SCO1: variants seen among roughly 807,000 people sequenced by gnomAD.
The protein encoded by SCO1 is synthesis of cytochrome C oxidase 1.
In SCO1, 23 loss-of-function variants were observed where a neutral mutation model predicts 34.0. The observed-to-expected ratio is 0.68, with a 90% CI of 0.49 to 0.96. SCO1 has a LOEUF of 0.96. SCO1 is among the 40% of genes least tolerant of loss of function. SCO1 has a pLI of 0.00. For missense variants in SCO1, 404 were observed against 381.6 expected (o/e 1.06, Z -0.49); for synonymous variants, 161 against 145.5 (o/e 1.11, Z -0.77).
In SCO1 at chr17:10,680,892, C is replaced by G; in HGVS notation, c.*227G>C. 1.8e-6 allele frequency: 1 copy of G among 570,758 alleles called. No individual in the cohort carries two copies. The highest frequency in any genetic ancestry group is 2.9e-5 in the Admixed American group (1 of 34,248). The allele number at this position is 570,758 out of a possible 1,614,324, so 35.4% of individuals were successfully genotyped here. On this transcript the variant is annotated 3_prime_UTR_variant, in exon 6 of 6. Transcript: ENST00000255390. ...CTTCACTTCAGCTTGATCCTCTGGT[C>G]TCCCCACAGCTTCCTGGGAGACTTT... is the stretch of plus-strand genomic sequence containing the variant.
chr17:10,696,684 C>T (rs2074730110), intron 1 of SCO1, among the ~76,000 whole-genome samples: 1 of 152,120 alleles, frequency 6.6e-6, no homozygotes, highest in Non-Finnish European at 1.5e-5. Flanking sequence ...CTAGACTAGG[C>T]CTAACTCATT....
Position 10,697,279 on chromosome 17 carries a change from A to C in SCO1, c.229T>G (p.Ser77Ala). The C allele has an allele frequency of 6.4e-7, 1 of 1,566,796 alleles. No homozygotes were observed. Among genetic ancestry groups the C allele is most frequent in the Non-Finnish European group, 8.7e-7 (1 of 1,155,766 alleles). The change falls in exon 1 of 6, where the codon TCG (serine) becomes GCG (alanine). Residue 77 changes from serine (S) to alanine (A), a missense_variant. Physicochemically the swap from Ser to Ala is moderately conservative, Grantham distance 99 (BLOSUM62 1). Transcript: ENST00000255390. ...GTGGAGTCTCCGGGGCCCTTCTGCG[A>C]CCACGGGGGTGGCGGCCTCGCAGTG... ...LSTARPPPPW[S>A]QKGPGDSTRP...
Position 10,686,272 on chromosome 17 carries a change from C to T in SCO1, c.771+455G>A, listed in dbSNP as rs150097394. On this transcript the variant is annotated intron_variant, in intron 5 of 5. Transcript: ENST00000255390. ...TAAATAAAAAGTAAAAAACATGCTT[C>T]TATTATCCTTTCAAATATTCAAAAT... 1.9e-4 allele frequency among the ~76,000 whole-genome samples: 29 copies of T among 150,772 alleles called. No homozygotes were observed. The East Asian group carries it at 3.8e-3, about 20-fold the overall frequency.
chr17:10,690,664 A>G (rs1446153846), intron 4 of SCO1, among the ~76,000 whole-genome samples: 1 of 152,250 alleles, frequency 6.6e-6, no homozygotes, highest in African/African-American at 2.4e-5. Flanking sequence ...ACTGCAATAC[A>G]ATCCAGGAAT....
At chr17:10,693,232 C>T (rs2074701029) in intron 2 of SCO1, among the ~76,000 whole-genome samples, 1 of 152,164 alleles carries the variant, frequency 6.6e-6, no homozygotes. Flanking sequence ...AAGCCATTAG[C>T]TGTGTCCATG....
rs2074580951 is a variant in SCO1, at chr17:10,676,405, T to C, written c.*4714A>G. ...CGTGCCCAGCCAACTGTGGTTGTTT[T>C]TAAAGGACAAAGTTGGTCTCTTTCA... On this transcript the variant is annotated 3_prime_UTR_variant, in exon 6 of 6. Coordinates refer to ENST00000255390, the MANE Select transcript of SCO1 (RefSeq NM_004589.4). 6.6e-6 allele frequency: 1 copy of C among 152,320 alleles called. No homozygotes were observed. The highest frequency in any genetic ancestry group is 1.5e-5 in the Non-Finnish European group (1 of 68,038). 9.4% of individuals were successfully genotyped at this position (152,320 alleles called of 1,614,324 possible).
In SCO1 at chr17:10,692,772, T is replaced by C. The variant is rs1445262825; in HGVS notation, c.554A>G (p.Asp185Gly). ...AGTGATGGCTTTCTTACCTATTTCATCCACGACTTGAATCATCTTTTCTAG... is the reference window on the plus strand; with the variant it reads ...AGTGATGGCTTTCTTACCTATTTCACCCACGACTTGAATCATCTTTTCTAG... ...EELEKMIQVV[D>G]EIDSITTLPD... The change falls in exon 3 of 6, where the codon GAT (aspartate) becomes GGT (glycine). Residue 185 changes from aspartate (D) to glycine (G), a missense_variant. Coordinates refer to ENST00000255390, the MANE Select transcript of SCO1 (RefSeq NM_004589.4). 6.2e-7 allele frequency: 1 copy of C among 1,613,916 alleles called. No individual in the cohort carries two copies. Among genetic ancestry groups the C allele is most frequent in the Admixed American group, 1.7e-5 (1 of 60,028 alleles).
Position 10,697,361 on chromosome 17 carries a change from C to T in SCO1, c.147G>A (p.Ala49=), listed in dbSNP as rs1436562069. The change falls in exon 1 of 6, where the codon GCG becomes GCA. Residue 49 remains alanine, a synonymous_variant. Transcript: ENST00000255390. The stretch of plus-strand genomic sequence containing the variant: ...GGCGCCCCGAGGCACGCCACGCCTC[C>T]GCTTGCCGCGCGCAGAACTGCCTCA... ...VLLRQFCARQ[A]EAWRASGRPG... 4 of 1,592,282 alleles carry T rather than the reference C, an allele frequency of 2.5e-6. No homozygotes were observed. Among genetic ancestry groups the T allele is most frequent in the Non-Finnish European group, 3.4e-6 (4 of 1,169,328 alleles).
At position 10,675,434 on chromosome 17, in the gene SCO1, T is replaced by G. The variant is rs1218908486; in HGVS notation, c.*5685A>C. The stretch of plus-strand genomic sequence containing the variant: ...CTTGCTTTCTTTCAAGACTGCCTTT[T>G]GCAGGGACTCTTTTTCCCCTCTACT... On this transcript the variant is annotated 3_prime_UTR_variant, in exon 6 of 6. Coordinates refer to ENST00000255390, the MANE Select transcript of SCO1 (RefSeq NM_004589.4). 1 of 152,310 alleles carries G rather than the reference T, an allele frequency of 6.6e-6. No individual in the cohort carries two copies. Among genetic ancestry groups the G allele is most frequent in the East Asian group, 1.9e-4 (1 of 5,198 alleles). The allele number at this position is 152,310 out of a possible 1,614,324, so 9.4% of individuals were successfully genotyped here. A position where few individuals can be genotyped will look rare whatever the true frequency, so the allele number is the denominator to read the frequency against.
rs2520172 is a variant in SCO1 at position 10,696,075 on chromosome 17, A to T, written c.274-244T>A. 0.037 allele frequency among the ~76,000 whole-genome samples: 5,339 copies of T among 145,452 alleles called. 95 individuals are homozygous for T. The highest frequency in any genetic ancestry group is 0.13 in the African/African-American group (4,903 of 37,722). ...AGTCAGTTCTCTTCATGTAAATAAA[A>T]AAAAAAAAAAAAAAAAAAAAAAGCT... On this transcript the variant is annotated intron_variant, in intron 1 of 5. Transcript: ENST00000255390.
intron 4 of SCO1, among the ~76,000 whole-genome samples, chr17:10,688,069 G>T (rs1237506050): frequency 1.3e-5 from 2 of 152,104 alleles, no homozygotes; most frequent in Admixed American, 1.3e-4. Flanking sequence ...ACTTCAAGAA[G>T]AAAACATAAA....
Position 10,697,276 on chromosome 17 carries a change from G to A in SCO1, c.232C>T (p.Gln78Ter). ...CGCGTGGAGTCTCCGGGGCCCTTCTGCGACCACGGGGGTGGCGGCCTCGCA... is the reference window on the plus strand; with the variant it reads ...CGCGTGGAGTCTCCGGGGCCCTTCTACGACCACGGGGGTGGCGGCCTCGCA... ...STARPPPPWSQKGPGDSTRPS... is the reference protein window; with the variant it reads ...STARPPPPWS Residue 78 changes from glutamine (Q) to a stop codon, truncating the protein, a stop_gained, in exon 1 of 6, where the codon CAG becomes TAG. Transcript: ENST00000255390. LOFTEE classifies it high-confidence loss of function. 6.4e-7 allele frequency: 1 copy of A among 1,566,598 alleles called. No homozygotes were observed. Among genetic ancestry groups the A allele is most frequent in the Non-Finnish European group, 8.7e-7 (1 of 1,155,660 alleles).
chr17:10,673,531 G>A lies in SCO1; in HGVS notation c.*7588C>T, dbSNP rs562241724. 1.3e-5 allele frequency: 2 copies of A among 152,350 alleles called. No individual in the cohort carries two copies. Among genetic ancestry groups the A allele is most frequent in the East Asian group, 1.9e-4 (1 of 5,184 alleles). 9.4% of individuals were successfully genotyped at this position (152,350 alleles called of 1,614,324 possible). A position where few individuals can be genotyped will look rare whatever the true frequency, so the allele number is the denominator to read the frequency against. ...TTAGGAATGGAATGTAATCCTTGCA[G>A]GGCTCTCTGCCCCACTTTCTTCTGT... On this transcript the variant is annotated 3_prime_UTR_variant, in exon 6 of 6. Transcript: ENST00000255390.
intron 2 of SCO1, 191 bp downstream of exon 2, chr17:10,695,550 T>C (rs2074715896): frequency 5.6e-6 from 3 of 540,374 alleles, no homozygotes; most frequent in Non-Finnish European, 1.0e-5. Flanking sequence ...ATGAAAAATG[T>C]GTCATGGTTA....
At chr17:10,682,010 A>G (rs1179064465) in intron 5 of SCO1, among the ~76,000 whole-genome samples, 1 of 152,120 alleles carries the variant, frequency 6.6e-6, no homozygotes, top group Non-Finnish European at 1.5e-5. Flanking sequence ...TGCCCCCCTA[A>G]CCAGAGAGTC....
rs1400174205 is a variant in SCO1, at chr17:10,675,999, T to A, written c.*5120A>T. Reference sequence around the variant, plus strand: ...AAATTATAAACGAGTTTACACTGACTGGATATTTGATATTAAGCAAAAACC... The same window carrying A: ...AAATTATAAACGAGTTTACACTGACAGGATATTTGATATTAAGCAAAAACC... On this transcript the variant is annotated 3_prime_UTR_variant, in exon 6 of 6. Coordinates refer to ENST00000255390, the MANE Select transcript of SCO1 (RefSeq NM_004589.4). 1 of 152,162 alleles carries A rather than the reference T, an allele frequency of 6.6e-6. No homozygotes were observed. 9.4% of individuals were successfully genotyped at this position (152,162 alleles called of 1,614,324 possible).
rs1165151761 is a variant in SCO1, at chr17:10,678,334, G to A, written c.*2785C>T. 6.6e-6 allele frequency: 1 copy of A among 152,056 alleles called. No individual in the cohort carries two copies. Among genetic ancestry groups the A allele is most frequent in the African/African-American group, 2.4e-5 (1 of 41,404 alleles). The allele number at this position is 152,056 out of a possible 1,614,324, so 9.4% of individuals were successfully genotyped here. A position where few individuals can be genotyped will look rare whatever the true frequency, so the allele number is the denominator to read the frequency against. On this transcript the variant is annotated 3_prime_UTR_variant, in exon 6 of 6. Coordinates refer to ENST00000255390, the MANE Select transcript of SCO1 (RefSeq NM_004589.4). ...AGACTGTCCCCTTGTGCATAAACAG[G>A]AACATCTGGAAGACGTCACCTCTAA...
Position 10,681,001 on chromosome 17 carries a change from G to C in SCO1, c.*118C>G, listed in dbSNP as rs1199929150. ...CCATCCAAAACAGAAATGTTCTCAT[G>C]GTATGAAGGCCATTCTGTAGAGTGC... On this transcript the variant is annotated 3_prime_UTR_variant, in exon 6 of 6. Transcript: ENST00000255390. The C allele has an allele frequency of 8.3e-7, 1 of 1,204,406 alleles. No homozygotes were observed. Among genetic ancestry groups the C allele is most frequent in the African/African-American group, 1.5e-5 (1 of 66,738 alleles). The allele number at this position is 1,204,406 out of a possible 1,614,324, so 74.6% of individuals were successfully genotyped here. A position where few individuals can be genotyped will look rare whatever the true frequency, so the allele number is the denominator to read the frequency against.
rs2074610656 is a variant in SCO1 at position 10,679,983 on chromosome 17, GT to G, written c.*1135del. ...GGGCGGGGGGGGGGGGTCTCACTAT[GT>G]TGCCCAGGCTTGTCTTGAATACCTA... is the stretch of plus-strand genomic sequence containing the variant. On this transcript the variant is annotated 3_prime_UTR_variant, in exon 6 of 6. Coordinates refer to ENST00000255390, the MANE Select transcript of SCO1 (RefSeq NM_004589.4). 6.8e-6 allele frequency: 1 copy of G among 146,122 alleles called. No homozygotes were observed. Among genetic ancestry groups the G allele is most frequent in the African/African-American group, 2.5e-5 (1 of 39,436 alleles). The allele number at this position is 146,122 out of a possible 1,614,324, so 9.1% of individuals were successfully genotyped here.
Sources: allele counts gnomAD v4.1 joint callset (sites outside exome capture counted in the v4.1 genomes callset), GRCh38; gene constraint gnomAD v4.1.1; transcripts MANE v1.5; gene names NCBI Gene and HGNC (gene_info 2026-07-23, HGNC 2026-07-21).